The following UBE2H variants were observed in gnomAD, a reference collection of about 807,000 sequenced individuals.
UBE2H encodes the protein ubiquitin-conjugating enzyme E2 H.
Under a neutral mutation model 29.0 loss-of-function variants are expected in UBE2H, and 3 were observed. The ratio of observed to expected loss-of-function variants is 0.10; its 90% CI spans 0.05 to 0.27. The LOEUF (loss-of-function observed/expected upper bound fraction) is 0.27. Ranked by LOEUF, UBE2H falls within the 10% of genes least tolerant of loss-of-function variation. The pLI is 1.00. For synonymous variants in UBE2H, 69 were observed against 82.9 expected (o/e 0.83, Z 0.91); for missense variants, 68 against 228.2 (o/e 0.30, Z 4.52).
chr7:129,899,527 C>T lies in UBE2H; in HGVS notation c.54-18556G>A, dbSNP rs62491525. Among the ~76,000 whole-genome samples, 1,013 of 152,294 alleles carry T rather than the reference C, an allele frequency of 6.7e-3. 4 individuals are homozygous for T. Among genetic ancestry groups the T allele is most frequent in the Non-Finnish European group, 9.1e-3 (620 of 68,020 alleles). Reference sequence around the variant, plus strand: ...TGGCTAGGTGACCCATGGGGAAAAGCATGCTTTTCACAGGGATTCGCTCTA... The same window carrying T: ...TGGCTAGGTGACCCATGGGGAAAAGTATGCTTTTCACAGGGATTCGCTCTA... On this transcript the variant is annotated intron_variant, in intron 1 of 6. Coordinates refer to ENST00000355621, the MANE Select transcript of UBE2H (RefSeq NM_003344.4).
At chr7:129,836,829 G>A (rs887279502) in intron 6 of UBE2H, among the ~76,000 whole-genome samples, 1 of 139,750 alleles carries the variant, frequency 7.2e-6, no homozygotes, top group Non-Finnish European at 1.5e-5. Flanking sequence ...GCAGTGGGCC[G>A]AGATCGCACC....
At chr7:129,869,140 G>C (rs186955801) in intron 3 of UBE2H, among the ~76,000 whole-genome samples, 337 of 152,098 alleles carry the variant, frequency 2.2e-3, no homozygotes, top group Middle Eastern at 3.4e-3. Flanking sequence ...GTTTCTCTAT[G>C]TTGGTCAGGC....
chr7:129,911,512 A>G (rs1429930486), intron 1 of UBE2H, among the ~76,000 whole-genome samples: 1 of 152,232 alleles, frequency 6.6e-6, no homozygotes, highest in Non-Finnish European at 1.5e-5. Context: ...TACTGACATC[A>G]GTATTGGACA....
At chr7:129,877,371 T>C (rs1226047218) in intron 3 of UBE2H, among the ~76,000 whole-genome samples, 1 of 152,172 alleles carries the variant, frequency 6.6e-6, no homozygotes, top group Admixed American at 6.5e-5. Flanking sequence ...TACAACTATC[T>C]ACACAACTCA....
chr7:129,860,315 T>C (rs1426300226), intron 3 of UBE2H, among the ~76,000 whole-genome samples: 1 of 152,186 alleles, frequency 6.6e-6, no homozygotes, highest in Non-Finnish European at 1.5e-5. Context: ...AGGGCCTATG[T>C]GATGTTTAAG....
chr7:129,846,120 G>A (rs1805506398), intron 5 of UBE2H, among the ~76,000 whole-genome samples: 1 of 152,156 alleles, frequency 6.6e-6, no homozygotes, highest in Non-Finnish European at 1.5e-5. Flanking sequence ...AAACACAAGA[G>A]GGGATGAATC....
chr7:129,917,153 C>G (rs1807062436), intron 1 of UBE2H, among the ~76,000 whole-genome samples: 1 of 152,146 alleles, frequency 6.6e-6, no homozygotes, highest in South Asian at 2.1e-4. Flanking sequence ...GAGATCGTGC[C>G]ACTGCACTCC....
intron 1 of UBE2H, among the ~76,000 whole-genome samples, chr7:129,882,128 T>C (rs1584762954): frequency 6.6e-6 from 1 of 152,290 alleles, no homozygotes; most frequent in East Asian, 1.9e-4. Context: ...TCTTGCCCCT[T>C]TAAGGTGCTA....
chr7:129,934,324 AAAC>A (rs1807470702), intron 1 of UBE2H, among the ~76,000 whole-genome samples: 1 of 151,554 alleles, frequency 6.6e-6, no homozygotes, highest in Non-Finnish European at 1.5e-5. Flanking sequence ...CTTGCTTTAA[AAAC>A]AAAAAAGAAC....
intron 1 of UBE2H, among the ~76,000 whole-genome samples, chr7:129,936,198 C>A (rs762182740): frequency 2.0e-5 from 3 of 152,188 alleles, no homozygotes; most frequent in Non-Finnish European, 4.4e-5. Flanking sequence ...ACTGCCAGAA[C>A]TGGCAGACTA....
At chr7:129,879,758 C>G in intron 2 of UBE2H, 116 bp from the exon 3 acceptor site, 1 of 922,080 alleles carries the variant, frequency 1.1e-6, no homozygotes. Context: ...TTAATTCCTT[C>G]AAGAGTCAGG....
chr7:129,952,587 CCCGTCTGTCACGGGCCCGGGG>C lies in UBE2H; in HGVS notation c.-53_-33del. On this transcript the variant is annotated 5_prime_UTR_variant, in exon 1 of 7. Transcript: ENST00000355621. ...GCCGCCGCCTCTCTCCCTTCCTCGG[CCCGTCTGTCACGGGCCCGGGG>C]CCCCGGCTCTGAGGAGCCCGCGGCC... The C allele has an allele frequency of 6.2e-7, 1 of 1,607,150 alleles. No homozygotes were observed. The highest frequency in any genetic ancestry group is 8.5e-7 in the Non-Finnish European group (1 of 1,177,882).
In UBE2H at chr7:129,854,067, T is replaced by TTTTTTTTTTTATTTTTTTTTA. The variant is rs1554430948; in HGVS notation, c.298+3443_298+3444insTAAAAAAAAATAAAAAAAAAA. On this transcript the variant is annotated intron_variant, in intron 5 of 6. Coordinates refer to ENST00000355621, the MANE Select transcript of UBE2H (RefSeq NM_003344.4). Reference sequence around the variant, plus strand: ...ATTAGTTATTTAGTGTTAGTTTTTTTTTTTTTTTTTTTTTTGGCGGGGCAG... The same window carrying TTTTTTTTTTTATTTTTTTTTA: ...ATTAGTTATTTAGTGTTAGTTTTTTTTTTTTTTTTTATTTTTTTTTATTTTTTTTTTTTTTTGGCGGGGCAG... Among the ~76,000 whole-genome samples the TTTTTTTTTTTATTTTTTTTTA allele has an allele frequency of 5.5e-3, 821 of 148,782 alleles. 4 individuals are homozygous for TTTTTTTTTTTATTTTTTTTTA. The highest frequency in any genetic ancestry group is 8.6e-3 in the Non-Finnish European group (577 of 66,862).
intron 6 of UBE2H, among the ~76,000 whole-genome samples, chr7:129,835,482 C>T (rs962927140): frequency 6.6e-6 from 1 of 152,140 alleles, no homozygotes; most frequent in African/African-American, 2.4e-5. Context: ...TACATAATTA[C>T]GGTCAGTCCA....
intron 3 of UBE2H, among the ~76,000 whole-genome samples, chr7:129,875,643 T>A (rs2116360305): frequency 6.6e-6 from 1 of 152,340 alleles, no homozygotes; most frequent in East Asian, 1.9e-4. Context: ...TAATCTGCAT[T>A]CTTTTGGATT....
In UBE2H at chr7:129,834,688, T is replaced by C. The variant is rs1805290366; in HGVS notation, c.*249A>G. 5.5e-6 allele frequency: 2 copies of C among 366,142 alleles called. No homozygotes were observed. Among genetic ancestry groups the C allele is most frequent in the Non-Finnish European group, 9.8e-6 (2 of 204,952 alleles). 22.7% of individuals were successfully genotyped at this position (366,142 alleles called of 1,614,324 possible). On this transcript the variant is annotated 3_prime_UTR_variant, in exon 7 of 7. Coordinates refer to ENST00000355621, the MANE Select transcript of UBE2H (RefSeq NM_003344.4). ...AGGCTGACTTGGCCACATGGACTCA[T>C]GAATGCATGCATTCAGACCGCATAT...
chr7:129,928,320 T>A (rs911598942), intron 1 of UBE2H, among the ~76,000 whole-genome samples: 2 of 152,010 alleles, frequency 1.3e-5, no homozygotes, highest in Non-Finnish European at 2.9e-5. Context: ...ACACAACTTA[T>A]GGCCAGGCAC....
At chr7:129,844,485 G>A (rs779443426) in intron 5 of UBE2H, among the ~76,000 whole-genome samples, 23 of 152,094 alleles carry the variant, frequency 1.5e-4, no homozygotes, top group African/African-American at 4.8e-4. Flanking sequence ...ATGATAAAAC[G>A]ATAAAAATGT....
intron 1 of UBE2H, among the ~76,000 whole-genome samples, chr7:129,900,256 C>G (rs1806682904): frequency 6.6e-6 from 1 of 152,180 alleles, no homozygotes; most frequent in African/African-American, 2.4e-5. Context: ...TGTGCTATTA[C>G]AGCATGCAAA....
Sources: gnomAD v4.1 joint callset for allele counts (sites outside exome capture counted in the v4.1 genomes callset) on GRCh38, gnomAD v4.1.1 for gene constraint, MANE v1.5 for transcripts, NCBI Gene and HGNC (gene_info 2026-07-23, HGNC 2026-07-21) for gene names.